The following DNM3 variants were observed in gnomAD, a reference collection of about 807,000 sequenced individuals.
DNM3 encodes the protein dynamin 3, also known as dynamin-3.
DNM3 carries 47 observed loss-of-function variants against 101.6 expected under a neutral mutation model. The ratio of observed to expected loss-of-function variants is 0.46; its 90% confidence interval spans 0.37 to 0.59. The LOEUF (loss-of-function observed/expected upper bound fraction) is 0.59, where lower values mean the gene tolerates loss of function less well. Ranked by LOEUF, DNM3 falls within the 20% of genes least tolerant of loss-of-function variation. The pLI, the probability that DNM3 is intolerant of heterozygous loss-of-function variation, is 0.00. For missense variants in DNM3, 849 were observed against 1,085.7 expected, an observed-to-expected ratio of 0.78 and a Z score of 3.06; for synonymous variants, 385 against 387.9, an observed-to-expected ratio of 0.99 and a Z score of 0.09.
chr1:171,855,136 TTGTC>T (rs1159602351), intron 1 of DNM3, among the ~76,000 whole-genome samples: 4 of 152,318 alleles, frequency 2.6e-5, no homozygotes, highest in Non-Finnish European at 4.4e-5. Context: ...CAACATTTGG[TTGTC>T]TGTTCCTGTG....
rs371451947 is a variant in DNM3, at chr1:172,262,860, C to T, written c.1769+9178C>T. On this transcript the variant is annotated intron_variant, in intron 15 of 20. Transcript: ENST00000627582. Reference sequence around the variant, plus strand: ...CTGAGGATGTGACCTTTGGAGGTTCCTGGATTCACCCAAGATCTTATTATT... The same window carrying T: ...CTGAGGATGTGACCTTTGGAGGTTCTTGGATTCACCCAAGATCTTATTATT... 3.8e-4 allele frequency among the ~76,000 whole-genome samples: 58 copies of T among 152,174 alleles called. No homozygotes were observed. The Middle Eastern group carries it at 0.01, about 27-fold the overall frequency.
chr1:171,966,755 G>A (rs930593720), intron 2 of DNM3, among the ~76,000 whole-genome samples: 2 of 152,182 alleles, frequency 1.3e-5, no homozygotes, highest in African/African-American at 2.4e-5. Flanking sequence ...TTGGGGTGGA[G>A]TTTCAGCATT....
intron 16 of DNM3, 137 bp from the exon 17 acceptor site, chr1:172,323,192 G>T: frequency 1.1e-6 from 1 of 879,240 alleles, no homozygotes; most frequent in South Asian, 1.9e-5. Flanking sequence ...CATTTGTTTT[G>T]ATTTCACTCT....
At chr1:172,354,106 T>TGAGAGAGAGA (rs1261996806) in intron 17 of DNM3, among the ~76,000 whole-genome samples, 8 of 26,434 alleles carry the variant, frequency 3.0e-4, no homozygotes, top group African/African-American at 6.1e-4. Context: ...TGTGTGTGTG[T>TGAGAGAGAGA]GTGTGTGAGA....
chr1:172,260,369 T>C (rs2062592147), intron 15 of DNM3, among the ~76,000 whole-genome samples: 1 of 152,166 alleles, frequency 6.6e-6, no homozygotes, highest in African/African-American at 2.4e-5. Flanking sequence ...AATATTTTGC[T>C]AAGTTTTGAA....
Position 172,248,101 on chromosome 1 carries a change from G to A in DNM3, c.1660-5472G>A, listed in dbSNP as rs550607475. 4.7e-4 allele frequency among the ~76,000 whole-genome samples: 72 copies of A among 152,078 alleles called. No homozygotes were observed. The South Asian group carries it at 8.1e-3, about 17-fold the overall frequency. On this transcript the variant is annotated intron_variant, in intron 14 of 20. Coordinates refer to ENST00000627582, the MANE Select transcript of DNM3 (RefSeq NM_015569.5). ...ATGCTTTTTTTTGTATGCTTTTGAA[G>A]TATATTGGATTACCACAGTACATTT...
At chr1:172,389,590 G>GT (rs897626423) in intron 20 of DNM3, among the ~76,000 whole-genome samples, 21 of 152,034 alleles carry the variant, frequency 1.4e-4, no homozygotes, top group African/African-American at 5.1e-4. Flanking sequence ...AAGTACTAAG[G>GT]TTTTTTTCCC....
Position 171,921,784 on chromosome 1 carries a change from A to G in DNM3, c.198A>G (p.Arg66=), listed in dbSNP as rs749518533. Residue 66 remains arginine (R), a synonymous_variant, in exon 2 of 21, where the codon AGA becomes AGG. Transcript: ENST00000627582. ...FLPRGSGIVT[R]RPLVLQLVTS... ...CTCGAGGGTCGGGCATTGTAACAAG[A>G]CGACCTCTTGTGCTGCAGCTTGTTA... is the stretch of plus-strand genomic sequence containing the variant. The G allele has an allele frequency of 6.2e-7, 1 of 1,602,510 alleles. No homozygotes were observed. The highest frequency in any genetic ancestry group is 1.7e-5 in the Admixed American group (1 of 58,546).
chr1:172,043,309 G>T (rs111750316), intron 8 of DNM3, among the ~76,000 whole-genome samples: 1 of 152,174 alleles, frequency 6.6e-6, no homozygotes, highest in Admixed American at 6.5e-5. Flanking sequence ...ACCTCTGTTT[G>T]TATGGAGAAG....
chr1:172,366,350 A>C (rs527633721), intron 17 of DNM3, among the ~76,000 whole-genome samples: 1 of 152,094 alleles, frequency 6.6e-6, no homozygotes, highest in South Asian at 2.1e-4. Flanking sequence ...TTAATTCATA[A>C]ATTTAGTATT....
intron 11 of DNM3, 54 bp from the exon 12 acceptor site, chr1:172,081,778 T>C (rs2053167397): frequency 1.4e-6 from 2 of 1,436,256 alleles, no homozygotes; most frequent in East Asian, 2.3e-5. Context: ...CTGAATTTAA[T>C]GTTTGAGAAT....
intron 16 of DNM3, 34 bp downstream of exon 16, chr1:172,308,873 T>A: frequency 1.6e-6 from 2 of 1,290,056 alleles, no homozygotes; most frequent in South Asian, 1.3e-5. Context: ...TAAAAATTAT[T>A]ATTAGCTATG....
At chr1:172,133,011 C>A in intron 14 of DNM3, 9 of 1,518,736 alleles carry the variant, frequency 5.9e-6, no homozygotes, top group Non-Finnish European at 7.9e-6. Flanking sequence ...CAAATAAAGG[C>A]AAGAATCCCA....
rs114978621 is a variant in DNM3 at position 171,930,888 on chromosome 1, T to A, written c.235+9067T>A. Among the ~76,000 whole-genome samples, 763 of 152,296 alleles carry A rather than the reference T, an allele frequency of 5.0e-3. 6 individuals carry two copies. The highest frequency in any genetic ancestry group is 0.017 in the African/African-American group (722 of 41,560). On this transcript the variant is annotated intron_variant, in intron 2 of 20. Transcript: ENST00000627582. ...CATCAATTGTATTTCTATACATTTG[T>A]GATGAACAATCCAAAAACGAAGTTA...
At chr1:172,084,983 T>C (rs2053428011) in intron 12 of DNM3, among the ~76,000 whole-genome samples, 2 of 152,196 alleles carry the variant, frequency 1.3e-5, no homozygotes, top group South Asian at 2.1e-4. Context: ...AAAATTCTTC[T>C]TTCTGTTATA....
chr1:172,152,264 CTT>C (rs746363618), intron 14 of DNM3, among the ~76,000 whole-genome samples: 7 of 136,438 alleles, frequency 5.1e-5, no homozygotes, highest in East Asian at 2.1e-4. Context: ...ACTTCCCTTC[CTT>C]TTTTTTTTTT....
chr1:172,151,181 A>G (rs1223980270), intron 14 of DNM3, among the ~76,000 whole-genome samples: 1 of 152,194 alleles, frequency 6.6e-6, no homozygotes, highest in Non-Finnish European at 1.5e-5. Flanking sequence ...TTAAGGTAAT[A>G]TTATTTTAAG....
At chr1:172,209,942 G>C (rs1311895831) in intron 14 of DNM3, among the ~76,000 whole-genome samples, 1 of 152,046 alleles carries the variant, frequency 6.6e-6, no homozygotes, top group East Asian at 1.9e-4. Context: ...TTATTGTTTT[G>C]ATGCTTTTCC....
intron 17 of DNM3, among the ~76,000 whole-genome samples, chr1:172,352,333 T>C (rs1402342533): frequency 2.6e-5 from 4 of 152,222 alleles, no homozygotes; most frequent in Non-Finnish European, 5.9e-5. Context: ...ATCTTTTAGT[T>C]GACTATTTGT....
Sources: allele counts gnomAD v4.1 joint callset (sites outside exome capture counted in the v4.1 genomes callset), GRCh38; gene constraint gnomAD v4.1.1; transcripts MANE v1.5; gene names NCBI Gene and HGNC (gene_info 2026-07-23, HGNC 2026-07-21).